ANO6: variants seen among roughly 807,000 people sequenced by gnomAD.
ANO6 encodes anoctamin 6.
In ANO6, 106 loss-of-function variants were observed where a neutral mutation model predicts 117.5. The ratio of observed to expected loss-of-function variants is 0.90; its 90% CI spans 0.77 to 1.06. The LOEUF (loss-of-function observed/expected upper bound fraction) is 1.06. ANO6 is among the 50% of genes least tolerant of loss of function. ANO6 has a pLI of 0.00. For missense variants in ANO6, 955 were observed against 1,121.1 expected (o/e 0.85, Z 2.12); for synonymous variants, 367 against 385.1 (o/e 0.95, Z 0.55).
At chr12:45,366,354 A>G (rs1453069460) in intron 8 of ANO6, among the ~76,000 whole-genome samples, 1 of 150,090 alleles carries the variant, frequency 6.7e-6, no homozygotes, top group African/African-American at 2.4e-5. Context: ...GGTTATCTAC[A>G]TTTTTTTTTC....
downstream of ANO6, among the ~76,000 whole-genome samples, chr12:45,434,533 A>G (rs1943685773): frequency 1.3e-5 from 2 of 152,226 alleles, no homozygotes; most frequent in Non-Finnish European, 2.9e-5. Flanking sequence ...TCTAGCTTCA[A>G]GATCAAAATC....
At chr12:45,319,691 G>A (rs902239707) in intron 2 of ANO6, among the ~76,000 whole-genome samples, 9 of 152,180 alleles carry the variant, frequency 5.9e-5, no homozygotes, top group Non-Finnish European at 1.2e-4. Context: ...CAGAAGGAAT[G>A]GTACCAGTTC....
At chr12:45,332,467 T>C (rs886280794) in intron 3 of ANO6, among the ~76,000 whole-genome samples, 11 of 152,088 alleles carry the variant, frequency 7.2e-5, no homozygotes, top group African/African-American at 2.7e-4. Context: ...TTTATTCATC[T>C]GTTTGTTTCA....
chr12:45,232,255 A>G (rs1014387634), intron 1 of ANO6, among the ~76,000 whole-genome samples: 1 of 152,214 alleles, frequency 6.6e-6, no homozygotes, highest in South Asian at 2.1e-4. Context: ...CATTTACCTG[A>G]TATCTGTTCA....
At position 45,364,194 on chromosome 12, in the gene ANO6, A is replaced by G. The variant is rs149598665; in HGVS notation, c.999-3494A>G. Reference sequence around the variant, plus strand: ...ACTGAGGACCCTTTATATGTGATGAATCACTTTTCTCTTCCTGCTATCATC... The same window carrying G: ...ACTGAGGACCCTTTATATGTGATGAGTCACTTTTCTCTTCCTGCTATCATC... On this transcript the variant is annotated intron_variant, in intron 8 of 19. Coordinates refer to ENST00000320560, the MANE Select transcript of ANO6 (RefSeq NM_001025356.3). 1.9e-3 allele frequency among the ~76,000 whole-genome samples: 289 copies of G among 152,262 alleles called. 4 individuals are homozygous for G. In the East Asian group the frequency reaches 0.045, roughly 24 times the overall value.
At chr12:45,232,813 C>T (rs571423569) in intron 1 of ANO6, among the ~76,000 whole-genome samples, 114 of 152,302 alleles carry the variant, frequency 7.5e-4, no homozygotes, top group Middle Eastern at 3.4e-3. Context: ...CGGTCAGTCA[C>T]CCCAGTTCTC....
At chr12:45,246,887 C>A (rs1182583356) in intron 1 of ANO6, among the ~76,000 whole-genome samples, 1 of 151,532 alleles carries the variant, frequency 6.6e-6, no homozygotes, top group Non-Finnish European at 1.5e-5. Flanking sequence ...GCCTCAGCCT[C>A]CCAAGTAGCT....
chr12:45,220,933 A>C (rs540934165), intron 1 of ANO6, among the ~76,000 whole-genome samples: 4 of 152,212 alleles, frequency 2.6e-5, no homozygotes, highest in Admixed American at 2.6e-4. Context: ...TAAGAACCCA[A>C]AAATTCTGTG....
At chr12:45,309,278 C>T (rs1048604806) in intron 2 of ANO6, among the ~76,000 whole-genome samples, 2 of 151,938 alleles carry the variant, frequency 1.3e-5, no homozygotes, top group African/African-American at 2.4e-5. Flanking sequence ...AACATGTGAG[C>T]CCAGAATCAG....
chr12:45,423,857 C>G lies in ANO6; in HGVS notation c.2526+795C>G, dbSNP rs548243728. On this transcript the variant is annotated intron_variant, in intron 19 of 19. Transcript: ENST00000320560. ...CAGGAAAGAATGCTTTGCCAGAAGC[C>G]CCTACAGTGGACTTCCACCTACATC... 3.3e-5 allele frequency among the ~76,000 whole-genome samples: 5 copies of G among 152,262 alleles called. No homozygotes were observed. The South Asian group carries it at 1.0e-3, about 32-fold the overall frequency.
chr12:45,251,080 A>G (rs983327731), intron 1 of ANO6, among the ~76,000 whole-genome samples: 2 of 152,074 alleles, frequency 1.3e-5, no homozygotes, highest in African/African-American at 4.8e-5. Context: ...AAAAAGGAAA[A>G]AAAACCCACA....
At chr12:45,303,082 A>G (rs1939550439) in intron 2 of ANO6, among the ~76,000 whole-genome samples, 1 of 152,224 alleles carries the variant, frequency 6.6e-6, no homozygotes, top group South Asian at 2.1e-4. Context: ...AAGAAACTAG[A>G]GAGTGCTCTG....
At chr12:45,406,260 C>A (rs949291939) in intron 15 of ANO6, among the ~76,000 whole-genome samples, 6 of 152,208 alleles carry the variant, frequency 3.9e-5, no homozygotes, top group African/African-American at 1.4e-4. Flanking sequence ...AGATACATCA[C>A]ATCAGTAAAT....
intron 9 of ANO6, among the ~76,000 whole-genome samples, chr12:45,377,653 A>G (rs912294748): frequency 6.6e-5 from 10 of 152,242 alleles, no homozygotes; most frequent in Non-Finnish European, 1.2e-4. Flanking sequence ...AATGTAAATC[A>G]TATATCTAAA....
At chr12:45,425,549 A>G (rs1228558777) in intron 19 of ANO6, among the ~76,000 whole-genome samples, 1 of 152,224 alleles carries the variant, frequency 6.6e-6, no homozygotes, top group Non-Finnish European at 1.5e-5. Context: ...GCTTTTCAAC[A>G]GTAACAACGG....
At position 45,388,285 on chromosome 12, in the gene ANO6, G is replaced by A. The variant is rs1308184708; in HGVS notation, c.1290G>A (p.Val430=). 6.2e-7 allele frequency: 1 copy of A among 1,614,010 alleles called. No homozygotes were observed. Among genetic ancestry groups the A allele is most frequent in the Non-Finnish European group, 8.5e-7 (1 of 1,179,920 alleles). Residue 430 remains valine, a synonymous_variant, in exon 11 of 20, where the codon GTG becomes GTA. Transcript: ENST00000320560. ...ACGAAGCACGATGTACTCACGTAGT[G>A]ATAAATGAGATTACTCAGGTAAGCA... ...PEYEARCTHV[V]INEITQEEER...
intron 1 of ANO6, among the ~76,000 whole-genome samples, chr12:45,242,377 A>G (rs1947758815): frequency 6.6e-6 from 1 of 152,260 alleles, no homozygotes; most frequent in Admixed American, 6.5e-5. Context: ...GGACCTGCCA[A>G]GCCAGGCATG....
chr12:45,414,256 GGTT>G (rs915714556), intron 16 of ANO6, among the ~76,000 whole-genome samples: 3 of 152,050 alleles, frequency 2.0e-5, no homozygotes, highest in Middle Eastern at 3.4e-3. Context: ...TGCAGGCAAG[GGTT>G]GTTTTTTTTT....
In ANO6 at chr12:45,388,277, C is replaced by G; in HGVS notation, c.1282C>G (p.His428Asp). The change falls in exon 11 of 20, where the codon CAC becomes GAC. Residue 428 changes from histidine (H) to aspartate (D), a missense_variant. Transcript: ENST00000320560. ...ACCAGAATACGAAGCACGATGTACT[C>G]ACGTAGTGATAAATGAGATTACTCA... ...ARPEYEARCT[H>D]VVINEITQEE... 2 of 1,614,072 alleles carry G rather than the reference C, an allele frequency of 1.2e-6. No homozygotes were observed. The highest frequency in any genetic ancestry group is 2.2e-5 in the South Asian group (2 of 91,058).
Sources: gnomAD v4.1 joint callset for allele counts (sites outside exome capture counted in the v4.1 genomes callset) on GRCh38, gnomAD v4.1.1 for gene constraint, MANE v1.5 for transcripts, NCBI Gene and HGNC (gene_info 2026-07-23, HGNC 2026-07-21) for gene names.